LYRM4: variants seen among roughly 807,000 people sequenced by gnomAD.
LYRM4 encodes the protein LYR motif containing 4.
A neutral mutation model predicts 11.7 loss-of-function variants in LYRM4; 9 were observed. The observed-to-expected ratio is 0.77, with a 90% confidence interval of 0.46 to 1.34. The LOEUF is 1.34. Ranked by LOEUF, LYRM4 falls within the 40% of genes most tolerant of loss-of-function variation. The pLI, the probability that LYRM4 is intolerant of heterozygous loss-of-function variation, is 0.00. For synonymous variants in LYRM4, 42 were observed against 40.4 expected (o/e 1.04, Z -0.15); for missense variants, 133 against 112.5 (o/e 1.18, Z -0.82).
the LYRM4 span, chr6:5,066,737 C>A: frequency 2.6e-6 from 2 of 766,612 alleles, no homozygotes; most frequent in Non-Finnish European, 4.6e-6. Flanking sequence ...GCGCCAGGGT[C>A]TCAGCCAATC....
At chr6:5,120,484 C>G (rs1194450803) in intron 2 of LYRM4, among the ~76,000 whole-genome samples, 3 of 152,040 alleles carry the variant, frequency 2.0e-5, no homozygotes, top group African/African-American at 7.2e-5. Flanking sequence ...TGGTGTGGAC[C>G]CAAAAAGTGA....
chr6:5,156,765 G>T lies in LYRM4; in HGVS notation c.208-47274C>A, dbSNP rs543740074. On this transcript the variant is annotated intron_variant, in intron 2 of 2. Transcript: ENST00000330636. Reference sequence around the variant, plus strand: ...GAAACACCCAGCTCTTCTTCAGGGAGGGGTGGTGACGGGGAAAGATGGATA... The same window carrying T: ...GAAACACCCAGCTCTTCTTCAGGGATGGGTGGTGACGGGGAAAGATGGATA... Among the ~76,000 whole-genome samples, 78 of 152,296 alleles carry T rather than the reference G, an allele frequency of 5.1e-4. 4 individuals are homozygous for T. In the South Asian group the frequency reaches 0.016, roughly 31 times the overall value.
At chr6:5,191,152 A>T (rs1370666503) in intron 2 of LYRM4, among the ~76,000 whole-genome samples, 1 of 152,252 alleles carries the variant, frequency 6.6e-6, no homozygotes, top group African/African-American at 2.4e-5. Flanking sequence ...AACAATAAAC[A>T]AATGATAAGC....
the LYRM4 span, among the ~76,000 whole-genome samples, chr6:5,069,988 A>C: frequency 6.6e-6 from 1 of 152,234 alleles, no homozygotes; most frequent in Admixed American, 6.5e-5. Flanking sequence ...TCACAGCAAG[A>C]AATTACTGTG....
chr6:5,167,456 AT>A (rs1759152215), intron 2 of LYRM4, among the ~76,000 whole-genome samples: 1 of 152,166 alleles, frequency 6.6e-6, no homozygotes, highest in African/African-American at 2.4e-5. Context: ...ACCATAATGT[AT>A]TTACTTTTCA....
chr6:5,084,354 C>G, the LYRM4 span, among the ~76,000 whole-genome samples: 1 of 152,198 alleles, frequency 6.6e-6, no homozygotes, highest in Admixed American at 6.5e-5. Context: ...AGCAGCAGGG[C>G]GGTGACAGCG....
the LYRM4 span, among the ~76,000 whole-genome samples, chr6:5,034,852 T>C: frequency 1.3e-5 from 2 of 149,390 alleles, no homozygotes; most frequent in Non-Finnish European, 3.0e-5. Context: ...CCTTCTCAGC[T>C]AGTGCTGACT....
chr6:5,227,939 C>T (rs1365641789), intron 1 of LYRM4, among the ~76,000 whole-genome samples: 1 of 152,102 alleles, frequency 6.6e-6, no homozygotes, highest in African/African-American at 2.4e-5. Context: ...ACAATGAGAA[C>T]ACATGGACAC....
At chr6:5,138,433 C>T (rs1005011323) in intron 2 of LYRM4, among the ~76,000 whole-genome samples, 13 of 134,110 alleles carry the variant, frequency 9.7e-5, no homozygotes, top group Non-Finnish European at 1.8e-4. Flanking sequence ...TGCGGAGAGC[C>T]GTAATCATGC....
chr6:5,192,369 A>G (rs1243239795), intron 2 of LYRM4, among the ~76,000 whole-genome samples: 1 of 152,104 alleles, frequency 6.6e-6, no homozygotes, highest in East Asian at 1.9e-4. Flanking sequence ...GACAGCACAC[A>G]CTGCAGGAGC....
chr6:5,102,462 A>C (rs1762535389), downstream of LYRM4: 2 of 152,258 alleles, frequency 1.3e-5, no homozygotes, highest in South Asian at 4.1e-4. Flanking sequence ...TGATGAAGTC[A>C]CATGAATTCA....
intron 2 of LYRM4, among the ~76,000 whole-genome samples, chr6:5,203,588 C>G (rs1400961196): frequency 1.3e-5 from 2 of 152,182 alleles, no homozygotes; most frequent in Non-Finnish European, 2.9e-5. Context: ...TTTCCCTTGG[C>G]CCTCCTGATT....
At chr6:5,050,729 A>G in the LYRM4 span, among the ~76,000 whole-genome samples, 1 of 152,212 alleles carries the variant, frequency 6.6e-6, no homozygotes, top group Non-Finnish European at 1.5e-5. Flanking sequence ...CACCCTACCA[A>G]GGCAGAGAGT....
intron 2 of LYRM4, among the ~76,000 whole-genome samples, chr6:5,160,531 T>C (rs888178049): frequency 6.6e-6 from 1 of 152,126 alleles, no homozygotes; most frequent in Admixed American, 6.5e-5. Flanking sequence ...TTAAAGGATA[T>C]TAAAGGACTG....
intron 2 of LYRM4, among the ~76,000 whole-genome samples, chr6:5,117,273 T>C (rs1763161823): frequency 6.6e-6 from 1 of 152,176 alleles, no homozygotes; most frequent in Admixed American, 6.5e-5. Context: ...ATGCGTATCA[T>C]GGGCGGGGCG....
At chr6:5,164,444 G>A (rs1240074305) in intron 2 of LYRM4, among the ~76,000 whole-genome samples, 1 of 152,114 alleles carries the variant, frequency 6.6e-6, no homozygotes, top group Non-Finnish European at 1.5e-5. Flanking sequence ...AAATAATAAT[G>A]AGCAAGACTG....
chr6:5,068,555 G>C, the LYRM4 span, among the ~76,000 whole-genome samples: 35 of 152,258 alleles, frequency 2.3e-4, no homozygotes, highest in African/African-American at 8.2e-4. The surrounding 1 kb of genome is among the most constrained non-coding windows in gnomAD (Gnocchi z 4.0). Context: ...ATGATCTTGA[G>C]GCTTGGCTCT....
the LYRM4 span, among the ~76,000 whole-genome samples, chr6:5,057,713 TA>T: frequency 1.4e-3 from 176 of 128,406 alleles, no homozygotes; most frequent in Admixed American, 1.8e-3. Context: ...AGACTCCATC[TA>T]AAAAAAAAAA....
At chr6:5,045,327 C>T in the LYRM4 span, among the ~76,000 whole-genome samples, 5 of 152,100 alleles carry the variant, frequency 3.3e-5, no homozygotes, top group African/African-American at 1.2e-4. Flanking sequence ...ATGGATGGAC[C>T]TTGAGGACAC....
Sources: allele counts gnomAD v4.1 joint callset (sites outside exome capture counted in the v4.1 genomes callset), GRCh38; gene constraint gnomAD v4.1.1; non-coding constraint Gnocchi (gnomAD v3.1); transcripts MANE v1.5; gene names NCBI Gene and HGNC (gene_info 2026-07-23, HGNC 2026-07-21).